The following ZNF821 variants were observed in gnomAD, a reference collection of about 807,000 sequenced individuals.
ZNF821 encodes the protein zinc finger protein 821.
ZNF821 carries 16 observed loss-of-function variants against 44.3 expected under a neutral mutation model. That is an observed-to-expected ratio of 0.36 (90% confidence interval 0.24 to 0.55). The LOEUF (loss-of-function observed/expected upper bound fraction) is 0.55, where lower values mean the gene tolerates loss of function less well. ZNF821 is among the 20% of genes least tolerant of loss of function. The pLI is 0.86. For synonymous variants in ZNF821, 204 were observed against 197.6 expected, an observed-to-expected ratio of 1.03 and a Z score of -0.27; for missense variants, 436 against 547.6, an observed-to-expected ratio of 0.80 and a Z score of 2.03.
In ZNF821 at chr16:71,883,293, A is replaced by G; in HGVS notation, c.-140-20T>C. On this transcript the variant is annotated intron_variant, in intron 1 of 7. Transcript: ENST00000425432. Reference sequence around the variant, plus strand: ...CTGTATCTGCCAAAAAGGAGAGGACAAGAAAGCTGGTCACTTAGCCGCCTG... The same window carrying G: ...CTGTATCTGCCAAAAAGGAGAGGACGAGAAAGCTGGTCACTTAGCCGCCTG... The G allele has an allele frequency of 2.3e-6, 1 of 438,882 alleles. No homozygotes were observed. The highest frequency in any genetic ancestry group is 4.6e-6 in the Non-Finnish European group (1 of 218,324). 27.2% of individuals were successfully genotyped at this position (438,882 alleles called of 1,614,324 possible).
intron 3 of ZNF821, among the ~76,000 whole-genome samples, chr16:71,869,050 C>A (rs1238346374): frequency 6.6e-6 from 1 of 152,116 alleles, no homozygotes; most frequent in Non-Finnish European, 1.5e-5. Context: ...GCTTGGGATC[C>A]ATGAGGCTAC....
upstream of ZNF821, among the ~76,000 whole-genome samples, chr16:71,887,560 C>T (rs1454154830): frequency 6.6e-6 from 1 of 152,152 alleles, no homozygotes. Flanking sequence ...CGCGCGCAGC[C>T]CTCTGTGTTC....
At chr16:71,865,096 T>C (rs774794320) in intron 4 of ZNF821, 48 bp from the exon 5 acceptor site, 2 of 1,611,634 alleles carry the variant, frequency 1.2e-6, no homozygotes, top group South Asian at 1.1e-5. Context: ...CATGAATACA[T>C]CCTGAGCTGC....
In ZNF821 at chr16:71,859,943, G is replaced by A. The variant is rs1333097063; in HGVS notation, c.*75C>T. The A allele has an allele frequency of 1.4e-6, 2 of 1,431,780 alleles. No individual in the cohort carries two copies. The highest frequency in any genetic ancestry group is 1.8e-6 in the Non-Finnish European group (2 of 1,088,826). The allele number at this position is 1,431,780 out of a possible 1,614,324, so 88.7% of individuals were successfully genotyped here. Reference sequence around the variant, plus strand: ...GGACAGGGCCTCGTGGGTGGCAGCAGCACTGGTCCTCGTGGCTGTGGGTGT... The same window carrying A: ...GGACAGGGCCTCGTGGGTGGCAGCAACACTGGTCCTCGTGGCTGTGGGTGT... On this transcript the variant is annotated 3_prime_UTR_variant, in exon 8 of 8. Coordinates refer to ENST00000425432, the MANE Select transcript of ZNF821 (RefSeq NM_001201552.2).
chr16:71,880,753 C>T (rs541157715), intron 2 of ZNF821, among the ~76,000 whole-genome samples: 205 of 152,302 alleles, frequency 1.3e-3, no homozygotes, highest in Non-Finnish European at 2.4e-3. Context: ...CCTCCTCACA[C>T]ATTCCAGAGA....
intron 2 of ZNF821, 91 bp from the exon 3 acceptor site, chr16:71,880,114 T>C (rs1188839651): frequency 3.6e-6 from 2 of 562,510 alleles, no homozygotes; most frequent in Non-Finnish European, 6.2e-6. Flanking sequence ...AAACAGCTCC[T>C]GAGCATATAA....
upstream of ZNF821, among the ~76,000 whole-genome samples, chr16:71,885,744 A>G (rs977960167): frequency 1.3e-5 from 2 of 152,116 alleles, no homozygotes; most frequent in African/African-American, 4.8e-5. Flanking sequence ...TTCATCATTC[A>G]CTCATTTATT....
rs1161440816 is a variant in ZNF821 at position 71,892,942 on chromosome 16, G to A, written n.448+1947C>T. 8.1e-5 allele frequency among the ~76,000 whole-genome samples: 12 copies of A among 148,710 alleles called. No individual in the cohort carries two copies. In the East Asian group the frequency reaches 2.5e-3, roughly 31 times the overall value. On this transcript the variant is annotated intron_variant and non_coding_transcript_variant, in intron 1 of 2. Coordinates refer to the ZNF821 transcript ENST00000561700. ...CACAGGGTTTCACCATGTTGGCCTG[G>A]TCGGTTTCGAACTCCTAACCTCAAG...
chr16:71,875,517 G>T (rs1046544205), intron 3 of ZNF821, among the ~76,000 whole-genome samples: 3 of 150,496 alleles, frequency 2.0e-5, no homozygotes, highest in African/African-American at 7.3e-5. Context: ...GCAGTGGTGC[G>T]ATCTCGGCTC....
At chr16:71,886,640 C>A (rs117267643), upstream of ZNF821, among the ~76,000 whole-genome samples, 15 of 152,268 alleles carry the variant, frequency 9.9e-5, no homozygotes, top group East Asian at 2.7e-3. Flanking sequence ...ATTTTAAGAA[C>A]CTCATGTTAC....
intron 3 of ZNF821, among the ~76,000 whole-genome samples, chr16:71,875,462 T>TC (rs2035700048): frequency 6.6e-6 from 1 of 150,482 alleles, no homozygotes. Flanking sequence ...TTTTCTTTTT[T>TC]TTTTTTTTTG....
chr16:71,868,182 C>A (rs1289661199), intron 3 of ZNF821, 145 bp from the exon 4 acceptor site: 2 of 874,512 alleles, frequency 2.3e-6, no homozygotes, highest in Admixed American at 2.9e-5. Context: ...AGCTTGCTGC[C>A]TCCAACAGCT....
At chr16:71,875,274 C>T (rs932546794) in intron 3 of ZNF821, among the ~76,000 whole-genome samples, 5 of 152,038 alleles carry the variant, frequency 3.3e-5, no homozygotes, top group African/African-American at 1.2e-4. Flanking sequence ...GTTTTTCCAT[C>T]TGTTTTTCTT....
exon 1 of ZNF821, chr16:71,894,943 A>G: frequency 2.0e-6 from 2 of 988,336 alleles, no homozygotes. Flanking sequence ...ACACTACTGA[A>G]TTATACCACA....
chr16:71,893,217 C>T lies in ZNF821; in HGVS notation n.448+1672G>A, dbSNP rs1385801688. Among the ~76,000 whole-genome samples the T allele has an allele frequency of 2.0e-5, 3 of 150,390 alleles. No homozygotes were observed. In the Admixed American group the frequency reaches 2.0e-4, roughly 10 times the overall value. On this transcript the variant is annotated intron_variant and non_coding_transcript_variant, in intron 1 of 2. Transcript: ENST00000561700. Reference sequence around the variant, plus strand: ...TTTTTTTTTGTATTGTTGGTAGAGACGGGGTTTCACCGTGTTAGCCAGGGT... The same window carrying T: ...TTTTTTTTTGTATTGTTGGTAGAGATGGGGTTTCACCGTGTTAGCCAGGGT...
chr16:71,867,780 G>A (rs1268491930), intron 4 of ZNF821, 132 bp downstream of exon 4: 5 of 1,248,000 alleles, frequency 4.0e-6, no homozygotes, highest in African/African-American at 3.0e-5. Context: ...CCACCTTTGG[G>A]GACACTGAGG....
chr16:71,878,229 C>A (rs2036054540), intron 3 of ZNF821, among the ~76,000 whole-genome samples: 1 of 151,368 alleles, frequency 6.6e-6, no homozygotes, highest in Admixed American at 6.6e-5. Context: ...GCCTCAGCCT[C>A]CCAAGTAGAG....
intron 1 of ZNF821, chr16:71,894,874 G>A (rs1185865704): frequency 1.8e-5 from 28 of 1,513,930 alleles, no homozygotes; most frequent in Non-Finnish European, 2.5e-5. Context: ...CAAGGAAAAA[G>A]TTTTCTCTGA....
At position 71,859,934 on chromosome 16, in the gene ZNF821, G is replaced by T; in HGVS notation, c.*84C>A. On this transcript the variant is annotated 3_prime_UTR_variant, in exon 8 of 8. Coordinates refer to ENST00000425432, the MANE Select transcript of ZNF821 (RefSeq NM_001201552.2). ...TGGCAGCAAGGACAGGGCCTCGTGG[G>T]TGGCAGCAGCACTGGTCCTCGTGGC... is the stretch of plus-strand genomic sequence containing the variant. 7.1e-7 allele frequency: 1 copy of T among 1,409,196 alleles called. No individual in the cohort carries two copies. Among genetic ancestry groups the T allele is most frequent in the Non-Finnish European group, 9.3e-7 (1 of 1,069,560 alleles). 87.3% of individuals were successfully genotyped at this position (1,409,196 alleles called of 1,614,324 possible). A position where few individuals can be genotyped will look rare whatever the true frequency, so the allele number is the denominator to read the frequency against.
Sources: allele counts gnomAD v4.1 joint callset (sites outside exome capture counted in the v4.1 genomes callset), GRCh38; gene constraint gnomAD v4.1.1; transcripts MANE v1.5; gene names NCBI Gene and HGNC (gene_info 2026-07-23, HGNC 2026-07-21).